The following RALYL variants were observed in gnomAD, a reference collection of about 807,000 sequenced individuals.
The protein encoded by RALYL is RALY RNA binding protein like, also known as RNA-binding Raly-like protein.
A neutral mutation model predicts 35.1 loss-of-function variants in RALYL; 29 were observed. That is an observed-to-expected ratio of 0.83 (90% CI 0.61 to 1.13). RALYL has a LOEUF of 1.13. Among genes scored for constraint, RALYL ranks in the 50% most tolerant of loss-of-function variants. RALYL has a pLI of 0.00. For missense variants in RALYL, 359 were observed against 360.4 expected (o/e 1.00, Z 0.03); for synonymous variants, 120 against 127.6 (o/e 0.94, Z 0.40).
chr8:84,456,788 CTTA>C (rs1428289823), intron 1 of RALYL, among the ~76,000 whole-genome samples: 2 of 151,940 alleles, frequency 1.3e-5, no homozygotes, highest in Non-Finnish European at 2.9e-5. Context: ...ATTACATCAT[CTTA>C]GAATAAGTAC....
At chr8:84,398,331 C>A (rs1586848737) in intron 1 of RALYL, among the ~76,000 whole-genome samples, 1 of 151,840 alleles carries the variant, frequency 6.6e-6, no homozygotes, top group East Asian at 1.9e-4. Context: ...CTTGCCAATA[C>A]ATTATTAATC....
At chr8:84,877,251 C>T (rs1841338187) in intron 7 of RALYL, among the ~76,000 whole-genome samples, 1 of 152,090 alleles carries the variant, frequency 6.6e-6, no homozygotes, top group Non-Finnish European at 1.5e-5. Context: ...CTTTGGGAGG[C>T]TGAGGCAAGT....
intron 1 of RALYL, among the ~76,000 whole-genome samples, chr8:84,215,796 CAGAA>C (rs1381513328): frequency 4.6e-5 from 7 of 152,062 alleles, no homozygotes; most frequent in Non-Finnish European, 1.0e-4. Flanking sequence ...AAGAAGAACA[CAGAA>C]AGAGGATCTT....
intron 8 of RALYL, among the ~76,000 whole-genome samples, chr8:84,913,047 GATAGA>G (rs1847833703): frequency 9.3e-5 from 14 of 149,992 alleles, no homozygotes; most frequent in African/African-American, 2.9e-4. Flanking sequence ...TAGGTAGATA[GATAGA>G]TAGATAGATA....
intron 6 of RALYL, among the ~76,000 whole-genome samples, chr8:84,868,208 C>G (rs1268893961): frequency 2.6e-5 from 4 of 152,074 alleles, no homozygotes; most frequent in African/African-American, 9.7e-5. Flanking sequence ...TTAAAGAACA[C>G]TTAAAAAATT....
intron 1 of RALYL, among the ~76,000 whole-genome samples, chr8:84,440,713 A>G (rs2048238619): frequency 6.6e-6 from 1 of 152,018 alleles, no homozygotes; most frequent in African/African-American, 2.4e-5. Context: ...TATGCCAAGC[A>G]GTATTCTGTT....
intron 2 of RALYL, among the ~76,000 whole-genome samples, chr8:84,664,097 G>A (rs758554544): frequency 6.6e-6 from 1 of 151,930 alleles, no homozygotes; most frequent in Non-Finnish European, 1.5e-5. Context: ...GCTTGTTTTG[G>A]TCAGGTTTGT....
chr8:84,685,258 T>TTTGA (rs756246501), intron 2 of RALYL, among the ~76,000 whole-genome samples: 27 of 152,206 alleles, frequency 1.8e-4, no homozygotes, highest in East Asian at 7.7e-4. Context: ...TGAATGGTCA[T>TTTGA]TTGATTGATT....
Position 84,293,410 on chromosome 8 carries a change from A to G in RALYL, c.-24+108986A>G, listed in dbSNP as rs1839145209. On this transcript the variant is annotated intron_variant, in intron 1 of 8. Transcript: ENST00000521268. The stretch of plus-strand genomic sequence containing the variant: ...AAAATTCATGTTGGTTTCCATCCTA[A>G]TGATTATAGAAAAGCCAGCATTTCC... Among the ~76,000 whole-genome samples, 3 of 152,030 alleles carry G rather than the reference A, an allele frequency of 2.0e-5. No individual in the cohort carries two copies. The South Asian group carries it at 6.2e-4, about 32-fold the overall frequency.
At chr8:84,265,574 T>G (rs1173625403) in intron 1 of RALYL, among the ~76,000 whole-genome samples, 1 of 152,210 alleles carries the variant, frequency 6.6e-6, no homozygotes, top group Non-Finnish European at 1.5e-5. Context: ...GTGGTGCTTC[T>G]CTAGAGCCAC....
At chr8:84,844,844 C>T (rs958194845) in intron 4 of RALYL, among the ~76,000 whole-genome samples, 2 of 152,174 alleles carry the variant, frequency 1.3e-5, no homozygotes, top group African/African-American at 4.8e-5. Flanking sequence ...TGGAAACCAT[C>T]ATTCCCAGCA....
intron 1 of RALYL, among the ~76,000 whole-genome samples, chr8:84,377,297 G>T (rs1857085425): frequency 6.6e-6 from 1 of 151,576 alleles, no homozygotes; most frequent in Non-Finnish European, 1.5e-5. Flanking sequence ...TTAATTTATG[G>T]ATTTTGTGGC....
intron 1 of RALYL, among the ~76,000 whole-genome samples, chr8:84,282,012 A>G (rs1200121821): frequency 1.3e-5 from 2 of 152,000 alleles, no homozygotes; most frequent in Non-Finnish European, 2.9e-5. Context: ...TTATCTGAGC[A>G]TGTGAAGTTT....
At chr8:84,250,813 G>A (rs989023392) in intron 1 of RALYL, among the ~76,000 whole-genome samples, 1 of 152,026 alleles carries the variant, frequency 6.6e-6, no homozygotes, top group African/African-American at 2.4e-5. Flanking sequence ...GAAAAATAGG[G>A]TGTAATGAAT....
chr8:84,788,837 T>C (rs1820149659), intron 3 of RALYL, among the ~76,000 whole-genome samples: 2 of 152,116 alleles, frequency 1.3e-5, no homozygotes, highest in African/African-American at 4.8e-5. Context: ...AGTCGTCTAA[T>C]CTTCAAAAAG....
At chr8:84,420,059 C>G (rs1443855409) in intron 1 of RALYL, among the ~76,000 whole-genome samples, 7 of 151,156 alleles carry the variant, frequency 4.6e-5, no homozygotes, top group Non-Finnish European at 8.8e-5. Flanking sequence ...GGGTATATAC[C>G]CAGTAATGGG....
At chr8:84,402,864 G>A (rs1324134311) in intron 1 of RALYL, among the ~76,000 whole-genome samples, 1 of 152,170 alleles carries the variant, frequency 6.6e-6, no homozygotes, top group African/African-American at 2.4e-5. Context: ...TAACTGGTGT[G>A]AGATGGTATC....
chr8:84,424,881 C>T (rs540224766), intron 1 of RALYL, among the ~76,000 whole-genome samples: 1 of 151,716 alleles, frequency 6.6e-6, no homozygotes, highest in African/African-American at 2.4e-5. Context: ...GGGTCAGGGA[C>T]CCACTTGAGG....
At chr8:84,191,948 C>A (rs1445997563) in intron 1 of RALYL, among the ~76,000 whole-genome samples, 3 of 136,932 alleles carry the variant, frequency 2.2e-5, no homozygotes, top group African/African-American at 7.5e-5. Context: ...CAAAGATGAT[C>A]AACAAGTGAT....
Sources: allele counts gnomAD v4.1 joint callset (sites outside exome capture counted in the v4.1 genomes callset), GRCh38; gene constraint gnomAD v4.1.1; transcripts MANE v1.5; gene names NCBI Gene and HGNC (gene_info 2026-07-23, HGNC 2026-07-21).